Variants in CXCL13 observed in about 807,000 individuals in gnomAD.
The protein encoded by CXCL13 is C-X-C motif chemokine 13.
In CXCL13, 7 loss-of-function variants were observed where a neutral mutation model predicts 12.2. The ratio of observed to expected loss-of-function variants is 0.57; its 90% CI spans 0.33 to 1.07. The LOEUF (loss-of-function observed/expected upper bound fraction) is 1.07, where lower values mean the gene tolerates loss of function less well. Among genes scored for constraint, CXCL13 ranks in the 50% least tolerant of loss-of-function variants. The probability of loss-of-function intolerance (pLI) is 0.04; values close to 1 mark genes in which losing one functional copy is unlikely to be tolerated. For missense variants in CXCL13, 113 were observed against 127.4 expected (o/e 0.89, Z 0.55); for synonymous variants, 47 against 42.4 (o/e 1.11, Z -0.42).
At chr4:77,585,279 A>G (rs541374380) in intron 1 of CXCL13, among the ~76,000 whole-genome samples, 6 of 152,362 alleles carry the variant, frequency 3.9e-5, no homozygotes, top group African/African-American at 9.6e-5. Context: ...GTATGGATGC[A>G]CAGGAGCAGG....
chr4:77,583,412 C>T lies in CXCL13; in HGVS notation c.-42-22412C>T, dbSNP rs181065470. Among the ~76,000 whole-genome samples the T allele has an allele frequency of 2.2e-3, 335 of 152,318 alleles. 3 individuals carry two copies. Among genetic ancestry groups the T allele is most frequent in the African/African-American group, 7.7e-3 (322 of 41,566 alleles). On this transcript the variant is annotated intron_variant, in intron 1 of 4. Transcript: ENST00000286758. ...CCACTCTCATGTTTTGAAAGCCAGA[C>T]TCAAGCATGACCACTGTGTAAGCCA...
intron 1 of CXCL13, among the ~76,000 whole-genome samples, chr4:77,560,938 A>T (rs561085519): frequency 2.6e-5 from 4 of 152,080 alleles, no homozygotes; most frequent in Non-Finnish European, 5.9e-5. Context: ...TATCCTATAT[A>T]TTTGTCACTC....
At chr4:77,528,342 G>A (rs1302105721) in intron 1 of CXCL13, among the ~76,000 whole-genome samples, 1 of 152,150 alleles carries the variant, frequency 6.6e-6, no homozygotes, top group South Asian at 2.1e-4. Context: ...AGATCCCTGA[G>A]GAATCACCAC....
At chr4:77,574,319 C>T in intron 1 of CXCL13, among the ~76,000 whole-genome samples, 1 of 151,848 alleles carries the variant, frequency 6.6e-6, no homozygotes, top group East Asian at 1.9e-4. Context: ...CCACAGACCC[C>T]ATTTTGGGGA....
intron 1 of CXCL13, among the ~76,000 whole-genome samples, chr4:77,545,637 G>A (rs557171680): frequency 6.7e-4 from 102 of 152,270 alleles, no homozygotes; most frequent in Middle Eastern, 3.4e-3. Context: ...TCAGCTTAAG[G>A]AGATTTTGGG....
At chr4:77,524,453 C>G (rs1342672966) in intron 1 of CXCL13, among the ~76,000 whole-genome samples, 1 of 152,198 alleles carries the variant, frequency 6.6e-6, no homozygotes, top group Admixed American at 6.5e-5. Flanking sequence ...TGCCCCTCTC[C>G]CAGCCAGGCT....
intron 1 of CXCL13, among the ~76,000 whole-genome samples, chr4:77,544,216 T>C (rs1400212928): frequency 6.6e-6 from 1 of 152,206 alleles, no homozygotes; most frequent in African/African-American, 2.4e-5. Flanking sequence ...TATGTGTGCA[T>C]GTGTCTTTAT....
At chr4:77,519,479 C>A (rs187560627) in intron 1 of CXCL13, among the ~76,000 whole-genome samples, 1 of 152,278 alleles carries the variant, frequency 6.6e-6, no homozygotes, top group East Asian at 1.9e-4. Context: ...TGATGATGAG[C>A]ATTTTTTCAT....
chr4:77,591,478 G>A (rs183240462), intron 1 of CXCL13, among the ~76,000 whole-genome samples: 2,499 of 149,502 alleles, frequency 0.017, 88 homozygotes, highest in African/African-American at 0.058. Flanking sequence ...CTGAACTCGG[G>A]AGGCGGAGCT....
chr4:77,571,254 G>C (rs990179611), intron 1 of CXCL13, among the ~76,000 whole-genome samples: 3 of 151,870 alleles, frequency 2.0e-5, no homozygotes, highest in African/African-American at 7.3e-5. Context: ...AGCTGCTCTG[G>C]TGGGGACATG....
intron 1 of CXCL13, among the ~76,000 whole-genome samples, chr4:77,533,256 A>G (rs1578040638): frequency 2.0e-5 from 3 of 152,348 alleles, no homozygotes; most frequent in African/African-American, 7.2e-5. Context: ...TCTAACAGTC[A>G]GGACCCTCAG....
At chr4:77,599,425 T>C (rs555455854) in intron 1 of CXCL13, among the ~76,000 whole-genome samples, 2 of 152,246 alleles carry the variant, frequency 1.3e-5, no homozygotes, top group African/African-American at 4.8e-5. Flanking sequence ...AAGAAAAAAA[T>C]CTGTACATGT....
At chr4:77,607,620 C>G in intron 1 of CXCL13, 83 bp from the exon 2 acceptor site, 1 of 1,367,666 alleles carries the variant, frequency 7.3e-7, no homozygotes, top group Non-Finnish European at 1.0e-6. Context: ...TTCAAATGCA[C>G]GTTATGAAAG....
chr4:77,561,937 CACA>C (rs1725825191), intron 1 of CXCL13, among the ~76,000 whole-genome samples: 1 of 152,148 alleles, frequency 6.6e-6, no homozygotes, highest in African/African-American at 2.4e-5. Flanking sequence ...TGTGGGCCAG[CACA>C]AGTTCTGGGT....
At chr4:77,522,057 G>A (rs894432798) in intron 1 of CXCL13, among the ~76,000 whole-genome samples, 2 of 152,158 alleles carry the variant, frequency 1.3e-5, no homozygotes, top group Non-Finnish European at 2.9e-5. Flanking sequence ...TAATTTGATT[G>A]CACTGTGGTC....
intron 1 of CXCL13, among the ~76,000 whole-genome samples, chr4:77,579,621 A>G (rs1000955957): frequency 6.6e-6 from 1 of 152,176 alleles, no homozygotes; most frequent in Non-Finnish European, 1.5e-5. Context: ...TAAAAATTCC[A>G]AAGTTGTGTC....
chr4:77,611,359 A>G lies in CXCL13; in HGVS notation c.*320A>G, dbSNP rs968168189. ...AATGTTTAAAATTTCTTAGAAAACA[A>G]TGGAATGAGAATTTAAGCCTCAAAT... On this transcript the variant is annotated 3_prime_UTR_variant, in exon 4 of 4. Coordinates refer to ENST00000682537, the MANE Select transcript of CXCL13 (RefSeq NM_001371558.1). 1.1e-5 allele frequency: 4 copies of G among 357,896 alleles called. No homozygotes were observed. The highest frequency in any genetic ancestry group is 4.2e-5 in the African/African-American group (2 of 47,958). The allele number at this position is 357,896 out of a possible 1,614,324, so 22.2% of individuals were successfully genotyped here.
chr4:77,606,122 G>A, intron 1 of CXCL13, among the ~76,000 whole-genome samples, 193 bp downstream of exon 1: 1 of 152,182 alleles, frequency 6.6e-6, no homozygotes, highest in East Asian at 1.9e-4. Context: ...ATATTGTTAA[G>A]ATTTTTATTT....
At chr4:77,550,515 T>G (rs1604152) in intron 1 of CXCL13, among the ~76,000 whole-genome samples, 2,481 of 152,330 alleles carry the variant, frequency 0.016, 76 homozygotes, top group African/African-American at 0.057. Context: ...TTTTTTAAAC[T>G]TACTGAGCCT....
Sources: gnomAD v4.1 joint callset for allele counts (sites outside exome capture counted in the v4.1 genomes callset) on GRCh38, gnomAD v4.1.1 for gene constraint, MANE v1.5 for transcripts, NCBI Gene and HGNC (gene_info 2026-07-23, HGNC 2026-07-21) for gene names.